The following SNX14 variants were observed in gnomAD, a reference collection of about 807,000 sequenced individuals.
The protein encoded by SNX14 is sorting nexin-14.
In SNX14, 93 loss-of-function variants were observed where a neutral mutation model predicts 133.8. The observed-to-expected ratio is 0.70, with a 90% CI of 0.59 to 0.83. SNX14 has a LOEUF of 0.83. SNX14 is among the 40% of genes least tolerant of loss of function. The probability of loss-of-function intolerance (pLI) is 0.00; values close to 1 mark genes in which losing one functional copy is unlikely to be tolerated. For missense variants in SNX14, 945 were observed against 1,094.9 expected (o/e 0.86, Z 1.93); for synonymous variants, 368 against 365.6 (o/e 1.01, Z -0.07).
chr6:85,572,655 A>G (rs989269062), intron 2 of SNX14, among the ~76,000 whole-genome samples: 5 of 152,222 alleles, frequency 3.3e-5, no homozygotes, highest in African/African-American at 7.2e-5. Context: ...AATTCAGTCT[A>G]TATTTGAAAG....
chr6:85,514,435 C>T (rs1452428688), intron 24 of SNX14, 71 bp downstream of exon 24: 1 of 1,562,216 alleles, frequency 6.4e-7, no homozygotes, highest in East Asian at 2.3e-5. Flanking sequence ...GGGCAATACT[C>T]AAGATCATTA....
intron 20 of SNX14, among the ~76,000 whole-genome samples, chr6:85,527,793 G>A (rs1288284362): frequency 6.6e-6 from 1 of 151,904 alleles, no homozygotes; most frequent in East Asian, 1.9e-4. Context: ...GTTGATCCCA[G>A]GAAATTGGAA....
intron 19 of SNX14, among the ~76,000 whole-genome samples, chr6:85,529,196 G>A (rs1293500584): frequency 6.6e-6 from 1 of 152,068 alleles, no homozygotes; most frequent in Non-Finnish European, 1.5e-5. Flanking sequence ...GGAGGCAGAG[G>A]TTGCCAAGAT....
intron 21 of SNX14, among the ~76,000 whole-genome samples, chr6:85,520,004 T>C (rs892573624): frequency 2.0e-5 from 3 of 151,882 alleles, no homozygotes; most frequent in African/African-American, 7.3e-5. Context: ...TTTAGAAATA[T>C]TGCTTTTATA....
chr6:85,546,381 C>T (rs1785489756), intron 12 of SNX14, among the ~76,000 whole-genome samples: 2 of 152,090 alleles, frequency 1.3e-5, no homozygotes, highest in Non-Finnish European at 2.9e-5. Flanking sequence ...ACAATATTTT[C>T]AGTCTATAAA....
chr6:85,530,044 A>C, intron 19 of SNX14, 148 bp downstream of exon 19: 1 of 511,250 alleles, frequency 2.0e-6, no homozygotes, highest in Non-Finnish European at 3.4e-6. Flanking sequence ...TAAACAGTAC[A>C]TTTCCGTTAT....
At chr6:85,507,431 A>G (rs1771089572) in intron 27 of SNX14, 142 bp from the exon 28 acceptor site, 2 of 623,464 alleles carry the variant, frequency 3.2e-6, no homozygotes, top group Non-Finnish European at 5.5e-6. Context: ...AACAAGCACA[A>G]AAGTAGCCTC....
chr6:85,541,977 C>G lies in SNX14; in HGVS notation c.1448+8G>C, dbSNP rs776897290. On this transcript the variant is annotated splice_region_variant and intron_variant, in intron 15 of 28. Transcript: ENST00000314673. ...TCAGCAAGTTCAAAAACAAAACATACAACCTACCTGTTCAATTTTGAATTG... is the reference window on the plus strand; with the variant it reads ...TCAGCAAGTTCAAAAACAAAACATAGAACCTACCTGTTCAATTTTGAATTG... 4 of 1,593,142 alleles carry G rather than the reference C, an allele frequency of 2.5e-6. No individual in the cohort carries two copies. Among genetic ancestry groups the G allele is most frequent in the Non-Finnish European group, 3.4e-6 (4 of 1,171,052 alleles).
intron 1 of SNX14, among the ~76,000 whole-genome samples, chr6:85,585,687 A>G (rs1217174047): frequency 6.7e-6 from 1 of 148,622 alleles, no homozygotes; most frequent in Non-Finnish European, 1.5e-5. Flanking sequence ...TGAACTATCT[A>G]TCAGAATAAC....
At chr6:85,544,798 T>C (rs1784957260) in intron 12 of SNX14, among the ~76,000 whole-genome samples, 1 of 152,208 alleles carries the variant, frequency 6.6e-6, no homozygotes, top group Admixed American at 6.6e-5. Flanking sequence ...ATCTCCAGCA[T>C]ATTTGTATTT....
intron 7 of SNX14, among the ~76,000 whole-genome samples, chr6:85,552,591 T>C (rs60564421): frequency 0.016 from 2,411 of 152,226 alleles, 72 homozygotes; most frequent in African/African-American, 0.055. Context: ...AAGAAAATAA[T>C]AACATAAACA....
intron 6 of SNX14, among the ~76,000 whole-genome samples, chr6:85,558,604 G>A (rs1480571763): frequency 2.6e-5 from 4 of 152,192 alleles, no homozygotes; most frequent in South Asian, 4.1e-4. Context: ...TGGGAATACA[G>A]GCGCATGCCA....
intron 14 of SNX14, among the ~76,000 whole-genome samples, chr6:85,542,726 C>T (rs1237109066): frequency 6.6e-6 from 1 of 152,068 alleles, no homozygotes; most frequent in Non-Finnish European, 1.5e-5. Flanking sequence ...CACTTAATTA[C>T]ATAGCGAAAA....
chr6:85,572,957 A>G (rs1796163106), intron 2 of SNX14, among the ~76,000 whole-genome samples: 1 of 152,166 alleles, frequency 6.6e-6, no homozygotes, highest in Non-Finnish European at 1.5e-5. Flanking sequence ...CTGTCTCAAA[A>G]AAAGGAAGAA....
In SNX14 at chr6:85,514,110, A is replaced by G; in HGVS notation, c.2517T>C (p.Phe839=). 6.2e-7 allele frequency: 1 copy of G among 1,613,750 alleles called. No homozygotes were observed. Residue 839 remains phenylalanine (F), a synonymous_variant, in exon 25 of 29, where the codon TTT becomes TTC. Transcript: ENST00000314673. The part of the protein sequence containing the change: ...YYLQCKLEQL[F]QEHRLVSLIT... ...TGAGTGAGACCAAACGGTGCTCCTGAAATAGCTGTTCTAGTTTACACTGAA... is the reference window on the plus strand; with the variant it reads ...TGAGTGAGACCAAACGGTGCTCCTGGAATAGCTGTTCTAGTTTACACTGAA...
At chr6:85,537,062 T>G (rs941145485) in intron 16 of SNX14, 138 bp from the exon 17 acceptor site, 1 of 833,356 alleles carries the variant, frequency 1.2e-6, no homozygotes, top group African/African-American at 1.7e-5. Flanking sequence ...ACTTTTGGAG[T>G]TTTCATACAC....
chr6:85,584,188 C>T (rs926987107), intron 1 of SNX14, among the ~76,000 whole-genome samples: 7 of 152,290 alleles, frequency 4.6e-5, no homozygotes, highest in Admixed American at 4.6e-4. Flanking sequence ...GGAAAACTGG[C>T]TAGCCATATG....
At chr6:85,578,902 G>C (rs1008909913) in intron 1 of SNX14, among the ~76,000 whole-genome samples, 1 of 152,164 alleles carries the variant, frequency 6.6e-6, no homozygotes, top group Non-Finnish European at 1.5e-5. Flanking sequence ...TTGGAAGGCT[G>C]AGGCGGGCGG....
Position 85,593,607 on chromosome 6 carries a change from G to C in SNX14, c.112C>G (p.Leu38Val). ...TTAAGAAGCAGGGAGGCGGCGCTGA[G>C]ACAGAGCAGCAGGAAGCAGAACAGC... ...YPLFCFLLLCLSAASLLLNRY... is the reference protein window; with the variant it reads ...YPLFCFLLLCVSAASLLLNRY... Residue 38 changes from leucine (L) to valine (V), a missense_variant, in exon 1 of 29, where the codon CTC (leucine) becomes GTC (valine). Around this residue, in one of 3 missense-constraint regions of SNX14, gnomAD observed 514 missense variants for 538.8 expected, o/e 0.95. Coordinates refer to ENST00000314673, the MANE Select transcript of SNX14 (RefSeq NM_153816.6). 6.2e-7 allele frequency: 1 copy of C among 1,613,166 alleles called. No individual in the cohort carries two copies. Among genetic ancestry groups the C allele is most frequent in the Non-Finnish European group, 8.5e-7 (1 of 1,179,762 alleles).
Sources: allele counts gnomAD v4.1 joint callset (sites outside exome capture counted in the v4.1 genomes callset), GRCh38; gene constraint gnomAD v4.1.1; regional missense constraint gnomAD v4.1.1; transcripts MANE v1.5; gene names NCBI Gene and HGNC (gene_info 2026-07-23, HGNC 2026-07-21).